WNT4: variants seen among roughly 807,000 people sequenced by gnomAD.
The protein encoded by WNT4 is protein Wnt-4.
WNT4 carries 16 observed loss-of-function variants against 34.5 expected under a neutral mutation model. That is an observed-to-expected ratio of 0.46 (90% CI 0.31 to 0.70). WNT4 has a LOEUF of 0.70. Ranked by LOEUF, WNT4 falls within the 30% of genes least tolerant of loss-of-function variation. The pLI is 0.04. For synonymous variants in WNT4, 200 were observed against 211.9 expected, an observed-to-expected ratio of 0.94 and a Z score of 0.49; for missense variants, 379 against 495.9, an observed-to-expected ratio of 0.76 and a Z score of 2.24.
intron 1 of WNT4, among the ~76,000 whole-genome samples, chr1:22,133,534 C>T (rs1423040883): frequency 2.0e-5 from 3 of 152,194 alleles, no homozygotes; most frequent in African/African-American, 7.2e-5. Context: ...AGAGCCAGGG[C>T]GTGATGGGTG....
intron 1 of WNT4, among the ~76,000 whole-genome samples, chr1:22,141,877 G>A (rs983566723): frequency 3.9e-5 from 6 of 152,234 alleles, no homozygotes; most frequent in Admixed American, 2.0e-4. Context: ...CCCACCCCAT[G>A]CTTTTCAGAT....
At chr1:22,125,662 A>G (rs920110581) in intron 2 of WNT4, among the ~76,000 whole-genome samples, 6 of 152,168 alleles carry the variant, frequency 3.9e-5, no homozygotes, top group Non-Finnish European at 1.5e-5. Flanking sequence ...GAATTCATCA[A>G]GTCCTTCATC....
At position 22,134,099 on chromosome 1, in the gene WNT4, G is replaced by T. The variant is rs12077643; in HGVS notation, c.78-4248C>A. ...TTGGGAGGCCAAGCAGATCAGTGTC[G>T]TGGGTCCCGGCCCTGCGGGTGTCCA... On this transcript the variant is annotated intron_variant, in intron 1 of 4. Coordinates refer to ENST00000290167, the MANE Select transcript of WNT4 (RefSeq NM_030761.5). The surrounding 1 kb of genome is among the most constrained non-coding windows in gnomAD (Gnocchi z 4.1). 6.6e-6 allele frequency among the ~76,000 whole-genome samples: 1 copy of T among 152,246 alleles called. No homozygotes were observed. Among genetic ancestry groups the T allele is most frequent in the Non-Finnish European group, 1.5e-5 (1 of 68,046 alleles).
chr1:22,141,318 G>A (rs1437543714), intron 1 of WNT4, among the ~76,000 whole-genome samples: 1 of 152,114 alleles, frequency 6.6e-6, no homozygotes, highest in Non-Finnish European at 1.5e-5. Context: ...CTGGGCAGGT[G>A]AGACACAGTT....
intron 1 of WNT4, among the ~76,000 whole-genome samples, chr1:22,131,531 A>T (rs1645983645): frequency 6.6e-6 from 1 of 152,134 alleles, no homozygotes. Flanking sequence ...TGTCCTCCTC[A>T]CTGTGGCATT....
rs748438570 is a variant in WNT4, at chr1:22,121,371, C to T, written c.446-18G>A. On this transcript the variant is annotated intron_variant, in intron 3 of 4. Transcript: ENST00000290167. Reference sequence around the variant, plus strand: ...CTGGAAGCCTGGGGTGTGGTGGGCACAGAAAGGGCTGCGGTGAGTGAGGGC... The same window carrying T: ...CTGGAAGCCTGGGGTGTGGTGGGCATAGAAAGGGCTGCGGTGAGTGAGGGC... The T allele has an allele frequency of 1.2e-6, 2 of 1,614,036 alleles. No homozygotes were observed. Among genetic ancestry groups the T allele is most frequent in the South Asian group, 2.2e-5 (2 of 91,086 alleles).
At chr1:22,125,938 T>C (rs1645937268) in intron 2 of WNT4, among the ~76,000 whole-genome samples, 1 of 152,230 alleles carries the variant, frequency 6.6e-6, no homozygotes, top group Admixed American at 6.5e-5. Flanking sequence ...AGTTACCTAT[T>C]ATGTGCAGGT....
rs1645883742 is a variant in WNT4, at chr1:22,120,182, C to T, written c.924G>A (p.Leu308=). 1 of 1,613,660 alleles carries T rather than the reference C, an allele frequency of 6.2e-7. No homozygotes were observed. The change falls in exon 5 of 5, where the codon CTG becomes CTA. Residue 308 remains leucine (L), a synonymous_variant. Transcript: ENST00000290167. ...KTSKAIDGCE[L]LCCGRGFHTA... Reference sequence around the variant, plus strand: ...TGTGGAAGCCGCGGCCACAGCACAGCAGCTCACAGCCGTCGATGGCCTTGG... The same window carrying T: ...TGTGGAAGCCGCGGCCACAGCACAGTAGCTCACAGCCGTCGATGGCCTTGG...
At position 22,134,280 on chromosome 1, in the gene WNT4, C is replaced by CG. The variant is rs1646005323; in HGVS notation, c.78-4430dup. On this transcript the variant is annotated intron_variant, in intron 1 of 4. Transcript: ENST00000290167. The surrounding 1 kb of genome is among the most constrained non-coding windows in gnomAD (Gnocchi z 4.1). The stretch of plus-strand genomic sequence containing the variant: ...GGTGGGAGGGGGAGCCGGAAGAAAA[C>CG]GGAGTGGCTGCTGAACAGAGCTGCC... 1.3e-5 allele frequency among the ~76,000 whole-genome samples: 2 copies of CG among 152,168 alleles called. No individual in the cohort carries two copies. Among genetic ancestry groups the CG allele is most frequent in the South Asian group, 4.1e-4 (2 of 4,834 alleles).
chr1:22,142,760 C>G lies in WNT4; in HGVS notation c.77+86G>C, dbSNP rs915999259. The G allele has an allele frequency of 1.1e-6, 1 of 910,786 alleles. No individual in the cohort carries two copies. The highest frequency in any genetic ancestry group is 1.3e-6 in the Non-Finnish European group (1 of 763,668). The allele number at this position is 910,786 out of a possible 1,614,324, so 56.4% of individuals were successfully genotyped here. ...GACACCTGCCGGGCTGCCCCGCGCC[C>G]GCTGCCCCGCGCCGCCTGGCACCGG... On this transcript the variant is annotated intron_variant, in intron 1 of 4. Coordinates refer to ENST00000290167, the MANE Select transcript of WNT4 (RefSeq NM_030761.5). The surrounding 1 kb of genome is among the most constrained non-coding windows in gnomAD (Gnocchi z 6.0).
At position 22,142,744 on chromosome 1, in the gene WNT4, C is replaced by G. The variant is rs552310984; in HGVS notation, c.77+102G>C. 2.4e-6 allele frequency: 2 copies of G among 828,798 alleles called. No individual in the cohort carries two copies. Among genetic ancestry groups the G allele is most frequent in the Non-Finnish European group, 2.9e-6 (2 of 688,368 alleles). 51.3% of individuals were successfully genotyped at this position (828,798 alleles called of 1,614,324 possible). On this transcript the variant is annotated intron_variant, in intron 1 of 4. Coordinates refer to ENST00000290167, the MANE Select transcript of WNT4 (RefSeq NM_030761.5). The surrounding 1 kb of genome is among the most constrained non-coding windows in gnomAD (Gnocchi z 6.0). ...CCGGTCCCGCGGCCGAGACACCTGCCGGGCTGCCCCGCGCCCGCTGCCCCG... is the reference window on the plus strand; with the variant it reads ...CCGGTCCCGCGGCCGAGACACCTGCGGGGCTGCCCCGCGCCCGCTGCCCCG...
chr1:22,138,412 C>CA (rs61499372), intron 1 of WNT4, among the ~76,000 whole-genome samples: 5 of 152,076 alleles, frequency 3.3e-5, no homozygotes, highest in Admixed American at 2.0e-4. Context: ...GCCCGCCCCC[C>CA]AGGGGACATT....
At chr1:22,131,637 G>A (rs1645984380) in intron 1 of WNT4, among the ~76,000 whole-genome samples, 1 of 152,210 alleles carries the variant, frequency 6.6e-6, no homozygotes, top group African/African-American at 2.4e-5. Flanking sequence ...CCAGAGGGCT[G>A]CCAAGAGGAA....
intron 2 of WNT4, chr1:22,127,419 C>T (rs1437092745): frequency 1.9e-6 from 1 of 533,458 alleles, no homozygotes; most frequent in Non-Finnish European, 3.8e-6. Flanking sequence ...TGAGTCCTCT[C>T]CCCTGACCTG....
chr1:22,119,886 G>T lies in WNT4; in HGVS notation c.*164C>A. ...GGGGAGGCCCTGGTTGGTGCCCTTGGGGTTGCCTGCCTGGTTTCGGCAATA... is the reference window on the plus strand; with the variant it reads ...GGGGAGGCCCTGGTTGGTGCCCTTGTGGTTGCCTGCCTGGTTTCGGCAATA... On this transcript the variant is annotated 3_prime_UTR_variant, in exon 5 of 5. Transcript: ENST00000290167. The T allele has an allele frequency of 1.2e-6, 1 of 867,742 alleles. No homozygotes were observed. Among genetic ancestry groups the T allele is most frequent in the South Asian group, 1.7e-5 (1 of 59,160 alleles). 53.8% of individuals were successfully genotyped at this position (867,742 alleles called of 1,614,324 possible). A position where few individuals can be genotyped will look rare whatever the true frequency, so the allele number is the denominator to read the frequency against.
rs1211740409 is a variant in WNT4, at chr1:22,129,712, G to A, written c.217C>T (p.Leu73=). Reference sequence around the variant, plus strand: ...TGGTACTGGCACTCCTCAATGGCCAGCTGGGCACCGCGGCGCACCGAGTCC... The same window carrying A: ...TGGTACTGGCACTCCTCAATGGCCAACTGGGCACCGCGGCGCACCGAGTCC... The part of the protein sequence containing the change: ...VMDSVRRGAQ[L]AIEECQYQFR... Residue 73 remains leucine, a synonymous_variant, in exon 2 of 5, where the codon CTG becomes TTG. Coordinates refer to ENST00000290167, the MANE Select transcript of WNT4 (RefSeq NM_030761.5). The A allele has an allele frequency of 6.2e-7, 1 of 1,613,946 alleles. No individual in the cohort carries two copies.
In WNT4 at chr1:22,129,731, C is replaced by T. The variant is rs772566671; in HGVS notation, c.198G>A (p.Ser66=). 70 of 1,614,028 alleles carry T rather than the reference C, an allele frequency of 4.3e-5. No homozygotes were observed. The highest frequency in any genetic ancestry group is 4.0e-4 in the Admixed American group (24 of 60,024). The part of the protein sequence containing the change: ...MCKRNLEVMD[S]VRRGAQLAIE... Reference sequence around the variant, plus strand: ...TGGCCAGCTGGGCACCGCGGCGCACCGAGTCCATGACTTCCAGGTTCCGCT... The same window carrying T: ...TGGCCAGCTGGGCACCGCGGCGCACTGAGTCCATGACTTCCAGGTTCCGCT... Residue 66 remains serine (S), a synonymous_variant, in exon 2 of 5, where the codon TCG becomes TCA. Transcript: ENST00000290167.
At chr1:22,127,072 C>T (rs776324874) in intron 2 of WNT4, 3 of 345,336 alleles carry the variant, frequency 8.7e-6, no homozygotes, top group South Asian at 6.6e-5. Flanking sequence ...GGGAAGAAAA[C>T]CAAAAACGTA....
intron 1 of WNT4, among the ~76,000 whole-genome samples, chr1:22,132,376 A>C: frequency 6.6e-6 from 1 of 152,210 alleles, no homozygotes; most frequent in African/African-American, 2.4e-5. Flanking sequence ...TTCTCTGGGC[A>C]GGGGGGGCAG....
Sources: gnomAD v4.1 joint callset for allele counts (sites outside exome capture counted in the v4.1 genomes callset) on GRCh38, gnomAD v4.1.1 for gene constraint, Gnocchi (gnomAD v3.1) non-coding constraint, MANE v1.5 for transcripts, NCBI Gene and HGNC (gene_info 2026-07-23, HGNC 2026-07-21) for gene names.